Variants in DPP6 observed in about 807,000 individuals in gnomAD.
The protein encoded by DPP6 is A-type potassium channel modulatory protein DPP6.
DPP6 carries 69 observed loss-of-function variants against 122.6 expected under a neutral mutation model. The ratio of observed to expected loss-of-function variants is 0.56; its 90% CI spans 0.46 to 0.69. DPP6 has a LOEUF of 0.69. Ranked by LOEUF, DPP6 falls within the 30% of genes least tolerant of loss-of-function variation. The pLI is 0.00. For missense variants in DPP6, 928 were observed against 1,116.9 expected (o/e 0.83, Z 2.41); for synonymous variants, 418 against 433.1 (o/e 0.97, Z 0.43).
rs75815985 is a variant in DPP6, at chr7:154,614,763, C to T, written c.628-23058C>T. Among the ~76,000 whole-genome samples, 428 of 152,030 alleles carry T rather than the reference C, an allele frequency of 2.8e-3. 2 individuals carry two copies. Among genetic ancestry groups the T allele is most frequent in the African/African-American group, 9.6e-3 (397 of 41,460 alleles). ...ATTTAGAGCACTTTTATTAGATAAA[C>T]GGAAGAAGGGAGAAGGCCTAATTAT... On this transcript the variant is annotated intron_variant, in intron 5 of 25. Coordinates refer to ENST00000377770, the MANE Select transcript of DPP6 (RefSeq NM_130797.4).
chr7:154,275,333 A>C (rs1043831848), intron 1 of DPP6, among the ~76,000 whole-genome samples: 1 of 152,128 alleles, frequency 6.6e-6, no homozygotes, highest in African/African-American at 2.4e-5. Context: ...TTTCCCTTGA[A>C]ACACATCTTA....
chr7:154,221,435 C>T (rs905732462), intron 1 of DPP6, among the ~76,000 whole-genome samples: 2 of 152,154 alleles, frequency 1.3e-5, no homozygotes, highest in African/African-American at 4.8e-5. Context: ...GCCACTGCAC[C>T]CAGCCTACCA....
In DPP6 at chr7:154,883,287, TAC is replaced by T. The variant is rs774640612; in HGVS notation, c.2134-2338_2134-2337del. On this transcript the variant is annotated intron_variant, in intron 21 of 25. Coordinates refer to ENST00000377770, the MANE Select transcript of DPP6 (RefSeq NM_130797.4). The stretch of plus-strand genomic sequence containing the variant: ...CTGCTCTCACACACATGCTCACACA[TAC>T]ACACACATGCTCACCCATACACCTG... Among the ~76,000 whole-genome samples the T allele has an allele frequency of 7.3e-4, 101 of 138,706 alleles. 1 individual carries two copies. Among genetic ancestry groups the T allele is most frequent in the African/African-American group, 2.5e-3 (92 of 36,426 alleles). The allele number at this position is 138,706 out of a possible 152,430, so 91.0% of individuals were successfully genotyped here.
intron 5 of DPP6, among the ~76,000 whole-genome samples, chr7:154,623,586 C>T (rs372602468): frequency 1.2e-4 from 18 of 146,424 alleles, no homozygotes; most frequent in African/African-American, 2.3e-4. Flanking sequence ...CGCACGCACA[C>T]GCGCACACAC....
chr7:154,770,728 G>A (rs1473193121), intron 9 of DPP6, among the ~76,000 whole-genome samples: 2 of 152,228 alleles, frequency 1.3e-5, no homozygotes, highest in African/African-American at 4.8e-5. Flanking sequence ...AGAACAGCAA[G>A]TGTCCAGTGG....
intron 1 of DPP6, among the ~76,000 whole-genome samples, chr7:153,955,174 A>G (rs1389780633): frequency 1.3e-5 from 2 of 152,178 alleles, no homozygotes. Flanking sequence ...GGAGGTAGGA[A>G]AACAAGGGGT....
intron 5 of DPP6, among the ~76,000 whole-genome samples, chr7:154,634,861 T>C (rs1438335933): frequency 1.3e-5 from 2 of 152,204 alleles, no homozygotes; most frequent in Non-Finnish European, 2.9e-5. Context: ...AAGATGTAAC[T>C]CTAGGTGTTT....
chr7:153,916,876 C>G (rs1209375172), intron 1 of DPP6, among the ~76,000 whole-genome samples: 1 of 152,086 alleles, frequency 6.6e-6, no homozygotes, highest in Non-Finnish European at 1.5e-5. Flanking sequence ...GTTTTCTATT[C>G]TTATTTGTAT....
At position 154,461,380 on chromosome 7, in the gene DPP6, C is replaced by T. The variant is rs1447815784; in HGVS notation, c.359-13559C>T. ...TGATTTCCTTTCTTTTGGGTACATACCTAGCACTGGGATTACTGGATCATA... is the reference window on the plus strand; with the variant it reads ...TGATTTCCTTTCTTTTGGGTACATATCTAGCACTGGGATTACTGGATCATA... On this transcript the variant is annotated intron_variant, in intron 2 of 25. Coordinates refer to ENST00000377770, the MANE Select transcript of DPP6 (RefSeq NM_130797.4). Among the ~76,000 whole-genome samples the T allele has an allele frequency of 2.0e-5, 3 of 152,160 alleles. No homozygotes were observed. In the East Asian group the frequency reaches 5.8e-4, roughly 29 times the overall value.
chr7:154,055,631 T>G (rs1188618839), intron 1 of DPP6: 4 of 152,178 alleles, frequency 2.6e-5, no homozygotes, highest in Admixed American at 6.5e-5. Flanking sequence ...GCTGACAACC[T>G]CAAGACAAAC....
At position 154,648,114 on chromosome 7, in the gene DPP6, G is replaced by T. The variant is rs191573313; in HGVS notation, c.680+10241G>T. ...AAAATTAAAAAAAAAAAAAAAATTA[G>T]CCGGGCATGGTGGTGGGTGCCTGTA... On this transcript the variant is annotated intron_variant, in intron 6 of 25. Coordinates refer to ENST00000377770, the MANE Select transcript of DPP6 (RefSeq NM_130797.4). Among the ~76,000 whole-genome samples, 987 of 148,766 alleles carry T rather than the reference G, an allele frequency of 6.6e-3. 9 individuals carry two copies. The highest frequency in any genetic ancestry group is 0.024 in the African/African-American group (958 of 40,344).
At chr7:154,664,141 C>T (rs543220575) in intron 6 of DPP6, among the ~76,000 whole-genome samples, 2 of 147,472 alleles carry the variant, frequency 1.4e-5, no homozygotes, top group African/African-American at 2.5e-5. Flanking sequence ...GCGTATTGGC[C>T]GTAGTGTTCA....
intron 1 of DPP6, among the ~76,000 whole-genome samples, chr7:154,322,773 T>C (rs1048448268): frequency 3.3e-5 from 5 of 152,218 alleles, no homozygotes; most frequent in African/African-American, 1.2e-4. Context: ...AGGGGGTTTA[T>C]AGGCAGTAAA....
At chr7:153,752,870 ATAATT>A in the DPP6 span, among the ~76,000 whole-genome samples, 1 of 150,360 alleles carries the variant, frequency 6.7e-6, no homozygotes, top group African/African-American at 2.5e-5. Flanking sequence ...AATGCAGGAC[ATAATT>A]TAATTTATTT....
intron 1 of DPP6, among the ~76,000 whole-genome samples, chr7:154,056,362 T>G (rs1484371632): frequency 1.3e-5 from 2 of 152,246 alleles, no homozygotes; most frequent in Admixed American, 1.3e-4. Context: ...AAAAATAAGT[T>G]GACTCTTAAA....
At chr7:153,786,924 T>C in the DPP6 span, among the ~76,000 whole-genome samples, 2 of 146,010 alleles carry the variant, frequency 1.4e-5, no homozygotes, top group African/African-American at 2.5e-5. Flanking sequence ...TAAAAAAACA[T>C]AGGAAGGGGA....
chr7:154,343,461 G>T (rs1012537239), intron 1 of DPP6, among the ~76,000 whole-genome samples: 11 of 152,244 alleles, frequency 7.2e-5, no homozygotes, highest in African/African-American at 2.7e-4. Context: ...CTATTCAGCG[G>T]CTTGAAGTCC....
the DPP6 span, among the ~76,000 whole-genome samples, chr7:153,760,899 C>A: frequency 6.6e-6 from 1 of 152,128 alleles, no homozygotes; most frequent in Non-Finnish European, 1.5e-5. Flanking sequence ...CAGCAGATCT[C>A]CAAAGCTCTC....
At chr7:153,813,525 G>T in the DPP6 span, among the ~76,000 whole-genome samples, 2 of 152,056 alleles carry the variant, frequency 1.3e-5, no homozygotes, top group Non-Finnish European at 2.9e-5. Context: ...ATTTATAGTC[G>T]TCTGGGTATA....
Sources: allele counts gnomAD v4.1 joint callset (sites outside exome capture counted in the v4.1 genomes callset), GRCh38; gene constraint gnomAD v4.1.1; transcripts MANE v1.5; gene names NCBI Gene and HGNC (gene_info 2026-07-23, HGNC 2026-07-21).